KCNN2: variants seen among roughly 807,000 people sequenced by gnomAD.
KCNN2 encodes potassium calcium-activated channel subfamily N member 2.
A neutral mutation model predicts 55.5 loss-of-function variants in KCNN2; 24 were observed. That is an observed-to-expected ratio of 0.43 (90% CI 0.31 to 0.61). The LOEUF (loss-of-function observed/expected upper bound fraction) is 0.61, where lower values mean the gene tolerates loss of function less well. Among genes scored for constraint, KCNN2 ranks in the 20% least tolerant of loss-of-function variants. The probability of loss-of-function intolerance (pLI) is 0.08; values close to 1 mark genes in which losing one functional copy is unlikely to be tolerated. For synonymous variants in KCNN2, 431 were observed against 336.1 expected (o/e 1.28, Z -3.09); for missense variants, 754 against 853.6 (o/e 0.88, Z 1.45).
At chr5:114,321,314 TCCAAGACTCC>T (rs1756610218) in intron 2 of KCNN2, among the ~76,000 whole-genome samples, 2 of 152,168 alleles carry the variant, frequency 1.3e-5, no homozygotes, top group Non-Finnish European at 2.9e-5. Flanking sequence ...GCCCCCAAAC[TCCAAGACTCC>T]CAAGCTCTGC....
Position 114,406,537 on chromosome 5 carries a change from T to G in KCNN2, c.1637+1681T>G, listed in dbSNP as rs551549320. 4.7e-5 allele frequency among the ~76,000 whole-genome samples: 7 copies of G among 148,680 alleles called. No homozygotes were observed. The South Asian group carries it at 1.5e-3, about 32-fold the overall frequency. On this transcript the variant is annotated intron_variant, in intron 3 of 7. Coordinates refer to ENST00000673685, the MANE Select transcript of KCNN2 (RefSeq NM_021614.4). ...AATCATTTTTCCTTTCCTGCACAAT[T>G]TTTTTTTTTTTCTGGAAGAAATAGT... is the stretch of plus-strand genomic sequence containing the variant.
intron 1 of KCNN2, among the ~76,000 whole-genome samples, chr5:114,117,586 G>C (rs553478139): frequency 3.9e-5 from 6 of 152,186 alleles, no homozygotes; most frequent in Non-Finnish European, 5.9e-5. Context: ...ATGCAGATAT[G>C]GACCCAGGCA....
chr5:114,227,421 C>T (rs1173067479), intron 2 of KCNN2, among the ~76,000 whole-genome samples: 2 of 152,082 alleles, frequency 1.3e-5, no homozygotes, highest in Non-Finnish European at 2.9e-5. Context: ...TTACTCATGC[C>T]CTAAAGTACC....
chr5:114,410,140 C>G (rs337707), intron 3 of KCNN2, among the ~76,000 whole-genome samples: 77,263 of 152,008 alleles, frequency 0.51, 21,519 homozygotes, highest in African/African-American at 0.75. Context: ...CATTTAATCA[C>G]AATGTATTAG....
chr5:114,087,130 G>A (rs1456383565), intron 1 of KCNN2, among the ~76,000 whole-genome samples: 1 of 151,612 alleles, frequency 6.6e-6, no homozygotes, highest in Non-Finnish European at 1.5e-5. Flanking sequence ...TTATTTGTTT[G>A]TTCCTTATTG....
intron 2 of KCNN2, among the ~76,000 whole-genome samples, chr5:114,296,225 C>A (rs1440711065): frequency 6.6e-6 from 1 of 152,150 alleles, no homozygotes; most frequent in Non-Finnish European, 1.5e-5. Context: ...GAATGAGTAA[C>A]CTCTTATAGC....
chr5:114,362,514 C>G lies in KCNN2; in HGVS notation c.375C>G (p.Leu125=). ...CCCSSRRGSQ[L]NVSELTPSSH... Reference sequence around the variant, plus strand: ...GCTCGTCGCGCCGGGGCAGCCAGCTCAATGTGAGCGAGCTGACGCCGTCCA... The same window carrying G: ...GCTCGTCGCGCCGGGGCAGCCAGCTGAATGTGAGCGAGCTGACGCCGTCCA... The change falls in exon 1 of 8, where the codon CTC becomes CTG. Residue 125 remains leucine, a synonymous_variant. Coordinates refer to ENST00000673685, the MANE Select transcript of KCNN2 (RefSeq NM_021614.4). The G allele has an allele frequency of 3.9e-6, 2 of 513,402 alleles. No homozygotes were observed. The highest frequency in any genetic ancestry group is 6.7e-6 in the Non-Finnish European group (2 of 298,042). The allele number at this position is 513,402 out of a possible 1,614,324, so 31.8% of individuals were successfully genotyped here. A position where few individuals can be genotyped will look rare whatever the true frequency, so the allele number is the denominator to read the frequency against.
chr5:114,345,537 A>G (rs1288952949), intron 2 of KCNN2, among the ~76,000 whole-genome samples: 1 of 152,214 alleles, frequency 6.6e-6, no homozygotes, highest in Non-Finnish European at 1.5e-5. Context: ...TAGCAGTGAA[A>G]GAAGCTAGCT....
intron 1 of KCNN2, among the ~76,000 whole-genome samples, chr5:114,066,546 T>G (rs1750455048): frequency 6.6e-6 from 1 of 152,220 alleles, no homozygotes; most frequent in African/African-American, 2.4e-5. Context: ...CTCACCAGCT[T>G]CCAGCTGAAA....
intron 2 of KCNN2, among the ~76,000 whole-genome samples, chr5:114,337,410 A>G (rs904020545): frequency 6.6e-6 from 1 of 152,224 alleles, no homozygotes; most frequent in Non-Finnish European, 1.5e-5. Flanking sequence ...TAGCTAGTGA[A>G]AAGAACATTT....
intron 1 of KCNN2, among the ~76,000 whole-genome samples, chr5:114,063,146 T>C (rs1750366341): frequency 6.6e-6 from 1 of 152,158 alleles, no homozygotes; most frequent in Admixed American, 6.5e-5. Flanking sequence ...AGCTCCTCCC[T>C]CATTCCACAC....
intron 3 of KCNN2, 74 bp downstream of exon 3, chr5:114,404,930 G>T: frequency 7.5e-7 from 1 of 1,331,684 alleles, no homozygotes; most frequent in Non-Finnish European, 1.0e-6. Context: ...AAAAATTTTA[G>T]ACTTGAGACG....
intron 1 of KCNN2, among the ~76,000 whole-genome samples, chr5:114,118,516 C>G (rs1401407417): frequency 1.3e-5 from 2 of 151,914 alleles, no homozygotes; most frequent in Non-Finnish European, 2.9e-5. Flanking sequence ...CTGAGTTGTC[C>G]CAGCTCACCA....
At chr5:114,440,572 TG>T (rs747186831) in intron 3 of KCNN2, among the ~76,000 whole-genome samples, 3 of 148,734 alleles carry the variant, frequency 2.0e-5, no homozygotes, top group Non-Finnish European at 4.4e-5. Flanking sequence ...AATGAGTACT[TG>T]GGAGGGTAAA....
chr5:114,436,880 C>T lies in KCNN2; in HGVS notation c.1638-26169C>T, dbSNP rs547985774. Among the ~76,000 whole-genome samples the T allele has an allele frequency of 8.5e-5, 13 of 152,250 alleles. No homozygotes were observed. In the South Asian group the frequency reaches 2.7e-3, roughly 32 times the overall value. On this transcript the variant is annotated intron_variant, in intron 3 of 7. Coordinates refer to ENST00000673685, the MANE Select transcript of KCNN2 (RefSeq NM_021614.4). ...CTAGCCAAATGAGGTTATTGAGCCTCTGAAATGTGGCTGGCATTATTGAGG... is the reference window on the plus strand; with the variant it reads ...CTAGCCAAATGAGGTTATTGAGCCTTTGAAATGTGGCTGGCATTATTGAGG...
At chr5:114,123,351 ATTTTTT>A (rs1172994171) in intron 1 of KCNN2, among the ~76,000 whole-genome samples, 3 of 65,018 alleles carry the variant, frequency 4.6e-5, no homozygotes, top group African/African-American at 2.3e-4. Context: ...CATTTTCTTA[ATTTTTT>A]TTTTTTTTTT....
At chr5:114,471,960 A>G (rs1336637758) in intron 4 of KCNN2, among the ~76,000 whole-genome samples, 2 of 152,190 alleles carry the variant, frequency 1.3e-5, no homozygotes, top group South Asian at 4.1e-4. Context: ...AATCACATCT[A>G]CTTTCTGTGC....
At chr5:114,130,410 T>C (rs957416032) in intron 1 of KCNN2, among the ~76,000 whole-genome samples, 3 of 152,214 alleles carry the variant, frequency 2.0e-5, no homozygotes, top group African/African-American at 7.2e-5. Context: ...GTTGAGGACA[T>C]GGGAAGAAAT....
intron 2 of KCNN2, among the ~76,000 whole-genome samples, chr5:114,233,692 C>G (rs1050437632): frequency 6.6e-6 from 1 of 152,030 alleles, no homozygotes; most frequent in African/African-American, 2.4e-5. Context: ...AAAATTTTAC[C>G]AATGGGCATA....
Sources: gnomAD v4.1 joint callset for allele counts (sites outside exome capture counted in the v4.1 genomes callset) on GRCh38, gnomAD v4.1.1 for gene constraint, MANE v1.5 for transcripts, NCBI Gene and HGNC (gene_info 2026-07-23, HGNC 2026-07-21) for gene names.